The following SNX14 variants were observed in gnomAD, a reference collection of about 807,000 sequenced individuals.
SNX14 encodes the protein sorting nexin 14, also known as sorting nexin-14.
SNX14 carries 93 observed loss-of-function variants against 133.8 expected under a neutral mutation model. The observed-to-expected ratio is 0.70, with a 90% CI of 0.59 to 0.83. SNX14 has a LOEUF of 0.83. Among genes scored for constraint, SNX14 ranks in the 40% least tolerant of loss-of-function variants. SNX14 has a pLI of 0.00. For missense variants in SNX14, 945 were observed against 1,094.9 expected, an observed-to-expected ratio of 0.86 and a Z score of 1.93; for synonymous variants, 368 against 365.6, an observed-to-expected ratio of 1.01 and a Z score of -0.07.
intron 1 of SNX14, among the ~76,000 whole-genome samples, chr6:85,593,099 T>TG (rs1487933610): frequency 6.6e-6 from 1 of 152,180 alleles, no homozygotes; most frequent in African/African-American, 2.4e-5. Flanking sequence ...TCGTCTGTTT[T>TG]ATTCAACAAT....
At chr6:85,536,970 AAC>A (rs1384305267) in intron 16 of SNX14, 46 bp from the exon 17 acceptor site, 2 of 1,560,672 alleles carry the variant, frequency 1.3e-6, no homozygotes, top group Non-Finnish European at 1.7e-6. Flanking sequence ...AAATTATCAC[AAC>A]AGTCTAGTTT....
chr6:85,547,673 C>A, intron 9 of SNX14, 123 bp from the exon 10 acceptor site: 1 of 790,262 alleles, frequency 1.3e-6, no homozygotes, highest in Non-Finnish European at 1.9e-6. Context: ...GGAGCAGTAG[C>A]AAAAAATCTG....
At chr6:85,518,953 G>A (rs529477999) in intron 21 of SNX14, among the ~76,000 whole-genome samples, 1 of 152,214 alleles carries the variant, frequency 6.6e-6, no homozygotes, top group African/African-American at 2.4e-5. Flanking sequence ...CCTGTCTCCT[G>A]GACTCTCCTG....
intron 6 of SNX14, among the ~76,000 whole-genome samples, chr6:85,560,519 A>G (rs1791182901): frequency 6.6e-6 from 1 of 152,208 alleles, no homozygotes; most frequent in South Asian, 2.1e-4. Context: ...TAGAGGGTAC[A>G]AGGTCTCTTT....
At chr6:85,529,660 T>C (rs777267482) in intron 19 of SNX14, among the ~76,000 whole-genome samples, 1 of 152,180 alleles carries the variant, frequency 6.6e-6, no homozygotes, top group Non-Finnish European at 1.5e-5. Context: ...CTTCCTATAA[T>C]AATCATCCTT....
rs1236093975 is a variant in SNX14, at chr6:85,593,802, C to A, written c.-84G>T. The A allele has an allele frequency of 7.6e-6, 12 of 1,583,600 alleles. No individual in the cohort carries two copies. The highest frequency in any genetic ancestry group is 9.4e-6 in the Non-Finnish European group (11 of 1,169,882). ...CCCATCCACACCTCGCGTCCCCGCC[C>A]CACCGACTTGGCGGCGCACACAGAC... On this transcript the variant is annotated 5_prime_UTR_variant, in exon 1 of 29. Coordinates refer to ENST00000314673, the MANE Select transcript of SNX14 (RefSeq NM_153816.6).
Position 85,565,916 on chromosome 6 carries a change from C to G in SNX14, c.462-497G>C, listed in dbSNP as rs775474312. 5.2e-4 allele frequency among the ~76,000 whole-genome samples: 79 copies of G among 152,266 alleles called. 1 individual carries two copies. The highest frequency in any genetic ancestry group is 9.3e-4 in the Non-Finnish European group (63 of 68,016). On this transcript the variant is annotated intron_variant, in intron 5 of 28. Transcript: ENST00000314673. The stretch of plus-strand genomic sequence containing the variant: ...AAACAGAAATTCTGACAACCTTCAA[C>G]TGAGGAGTTACTTTCATTTTCCTGA...
chr6:85,574,614 G>A (rs1796732280), intron 1 of SNX14, among the ~76,000 whole-genome samples: 1 of 152,002 alleles, frequency 6.6e-6, no homozygotes. Flanking sequence ...TTTCATAATT[G>A]GTACCTATGT....
chr6:85,535,387 G>A (rs1781601767), intron 17 of SNX14, among the ~76,000 whole-genome samples: 1 of 151,766 alleles, frequency 6.6e-6, no homozygotes, highest in Admixed American at 6.6e-5. Flanking sequence ...CTACAGGTGG[G>A]TGGATCACGA....
intron 6 of SNX14, among the ~76,000 whole-genome samples, chr6:85,561,598 T>C (rs1791625273): frequency 6.6e-6 from 1 of 152,116 alleles, no homozygotes. Context: ...ATCAACTATT[T>C]TCAAAAGTGA....
intron 26 of SNX14, among the ~76,000 whole-genome samples, chr6:85,511,488 T>C (rs566919882): frequency 9.2e-5 from 14 of 152,336 alleles, no homozygotes; most frequent in African/African-American, 3.1e-4. Context: ...TTCCTCATCT[T>C]AGTGGGATAG....
Position 85,505,875 on chromosome 6 carries a change from A to C in SNX14, c.*92T>G. On this transcript the variant is annotated 3_prime_UTR_variant, in exon 29 of 29. Transcript: ENST00000314673. ...TAAAATTTCAGACAGCGATGTACAT[A>C]ATATATATAAGAATATACCCAAAAA... is the stretch of plus-strand genomic sequence containing the variant. 2 of 813,210 alleles carry C rather than the reference A, an allele frequency of 2.5e-6. No homozygotes were observed. Among genetic ancestry groups the C allele is most frequent in the Non-Finnish European group, 4.2e-6 (2 of 478,290 alleles). The allele number at this position is 813,210 out of a possible 1,614,324, so 50.4% of individuals were successfully genotyped here. A position where few individuals can be genotyped will look rare whatever the true frequency, so the allele number is the denominator to read the frequency against.
chr6:85,548,458 A>C, intron 8 of SNX14, 82 bp from the exon 9 acceptor site: 1 of 1,063,668 alleles, frequency 9.4e-7, no homozygotes, highest in South Asian at 1.6e-5. Flanking sequence ...GAATTACGTA[A>C]GGATCTTGTT....
intron 26 of SNX14, among the ~76,000 whole-genome samples, chr6:85,511,228 A>G (rs1469362719): frequency 6.6e-6 from 1 of 152,198 alleles, no homozygotes; most frequent in Non-Finnish European, 1.5e-5. Context: ...CACTGATGAT[A>G]TACACGAAAA....
At chr6:85,557,897 T>A (rs1286162646) in intron 7 of SNX14, 79 bp downstream of exon 7, 1 of 776,876 alleles carries the variant, frequency 1.3e-6, no homozygotes, top group Non-Finnish European at 2.3e-6. Flanking sequence ...AATTAATCAG[T>A]ACTCATATTT....
At chr6:85,537,810 G>A (rs1435882764) in intron 16 of SNX14, among the ~76,000 whole-genome samples, 1 of 152,072 alleles carries the variant, frequency 6.6e-6, no homozygotes, top group South Asian at 2.1e-4. Flanking sequence ...TTAGCCGGGC[G>A]AGGTGGCAGG....
At chr6:85,571,628 C>A (rs1795642307) in intron 4 of SNX14, among the ~76,000 whole-genome samples, 1 of 152,100 alleles carries the variant, frequency 6.6e-6, no homozygotes, top group South Asian at 2.1e-4. Context: ...GAAGACAAGT[C>A]TTTAAAACAA....
rs1343769325 is a variant in SNX14 at position 85,543,708 on chromosome 6, C to G, written c.1161G>C (p.Leu387=). Residue 387 remains leucine, a synonymous_variant, in exon 13 of 29, where the codon CTG becomes CTC. Coordinates refer to ENST00000314673, the MANE Select transcript of SNX14 (RefSeq NM_153816.6). ...LRPELSNDEM[L]SLHEELQKIY... is the part of the protein sequence containing the mutation. Reference sequence around the variant, plus strand: ...TCTTCTGCAATTCTTCATGAAGAGACAGCATTTCATCATTTGATAATTCTG... The same window carrying G: ...TCTTCTGCAATTCTTCATGAAGAGAGAGCATTTCATCATTTGATAATTCTG... The G allele has an allele frequency of 6.3e-7, 1 of 1,585,442 alleles. No individual in the cohort carries two copies. The highest frequency in any genetic ancestry group is 1.7e-5 in the Admixed American group (1 of 57,834).
rs766714625 is a variant in SNX14, at chr6:85,543,310, T to C, written c.1265-4A>G. ...TCTATGTATGGGCCTTCAGCAACTATTAAAAAAATTCTACTGTAGAAATTA... is the reference window on the plus strand; with the variant it reads ...TCTATGTATGGGCCTTCAGCAACTACTAAAAAAATTCTACTGTAGAAATTA... On this transcript the variant is annotated splice_region_variant and splice_polypyrimidine_tract_variant and intron_variant, in intron 13 of 28. Transcript: ENST00000314673. 5 of 1,557,824 alleles carry C rather than the reference T, an allele frequency of 3.2e-6. No homozygotes were observed. The Admixed American group carries it at 6.5e-5, about 20-fold the overall frequency.
Sources: allele counts gnomAD v4.1 joint callset (sites outside exome capture counted in the v4.1 genomes callset), GRCh38; gene constraint gnomAD v4.1.1; transcripts MANE v1.5; gene names NCBI Gene and HGNC (gene_info 2026-07-23, HGNC 2026-07-21).